The following RBFOX1 variants were observed in gnomAD, a reference collection of about 807,000 sequenced individuals.
RBFOX1 encodes the protein RNA binding fox-1 homolog 1, also known as RNA binding protein fox-1 homolog 1.
RBFOX1 carries 8 observed loss-of-function variants against 57.7 expected under a neutral mutation model. That is an observed-to-expected ratio of 0.14 (90% CI 0.08 to 0.25). The LOEUF (loss-of-function observed/expected upper bound fraction) is 0.25. RBFOX1 is among the 10% of genes least tolerant of loss of function. The pLI, the probability that RBFOX1 is intolerant of heterozygous loss-of-function variation, is 1.00. For synonymous variants in RBFOX1, 326 were observed against 222.4 expected, an observed-to-expected ratio of 1.47 and a Z score of -4.15; for missense variants, 611 against 548.5, an observed-to-expected ratio of 1.11 and a Z score of -1.14.
At chr16:5,853,527 C>T (rs978739134) in intron 3 of RBFOX1, among the ~76,000 whole-genome samples, 1 of 152,182 alleles carries the variant, frequency 6.6e-6, no homozygotes, top group African/African-American at 2.4e-5. Context: ...AGGACACAGA[C>T]CCTGACTTGG....
chr16:7,213,710 C>T (rs976059465), intron 4 of RBFOX1, among the ~76,000 whole-genome samples: 6 of 152,038 alleles, frequency 3.9e-5, no homozygotes, highest in Admixed American at 6.6e-5. Flanking sequence ...CTCAAGGGAC[C>T]GAGGTTCCAG....
At chr16:6,128,134 A>G (rs1403940992) in intron 1 of RBFOX1, among the ~76,000 whole-genome samples, 1 of 152,238 alleles carries the variant, frequency 6.6e-6, no homozygotes, top group Non-Finnish European at 1.5e-5. Flanking sequence ...AAGAGTTACT[A>G]TGAAAATAAA....
chr16:6,899,326 C>T (rs114310316), intron 3 of RBFOX1, among the ~76,000 whole-genome samples: 13 of 152,174 alleles, frequency 8.5e-5, no homozygotes, highest in Admixed American at 1.3e-4. Flanking sequence ...TCAGGGTTTC[C>T]TTGCATTCCA....
intron 4 of RBFOX1, among the ~76,000 whole-genome samples, chr16:7,292,107 A>G (rs1568062799): frequency 1.5e-5 from 2 of 136,054 alleles, no homozygotes; most frequent in African/African-American, 2.7e-5. Flanking sequence ...TATATCATGT[A>G]TTATGTATAA....
chr16:6,705,648 C>T (rs2062604690), intron 3 of RBFOX1: 1 of 151,362 alleles, frequency 6.6e-6, no homozygotes, highest in African/African-American at 2.5e-5. Flanking sequence ...TTTTACAGTG[C>T]AAGAAAGCGC....
At position 7,034,848 on chromosome 16, in the gene RBFOX1, CT is replaced by C. The variant is rs58405378; in HGVS notation, c.-15-17191del. 3.3e-3 allele frequency among the ~76,000 whole-genome samples: 102 copies of C among 30,844 alleles called. 4 individuals are homozygous for C. Among genetic ancestry groups the C allele is most frequent in the Non-Finnish European group, 4.6e-3 (89 of 19,260 alleles). 20.2% of individuals were successfully genotyped at this position (30,844 alleles called of 152,430 possible). A position where few individuals can be genotyped will look rare whatever the true frequency, so the allele number is the denominator to read the frequency against. ...ATTACTTTTTTTTTTTTTCTTTTTT[CT>C]TTTTTTTTTTTTTTTTTGAGATGGA... On this transcript the variant is annotated intron_variant, in intron 3 of 15. Coordinates refer to ENST00000550418, the MANE Select transcript of RBFOX1 (RefSeq NM_018723.4).
chr16:6,579,552 T>G (rs1053130247), intron 2 of RBFOX1, among the ~76,000 whole-genome samples: 4 of 152,134 alleles, frequency 2.6e-5, no homozygotes. Flanking sequence ...GGGCTTTTCC[T>G]CCTTTGCTCT....
chr16:5,932,450 C>T (rs2059080848), intron 4 of RBFOX1, among the ~76,000 whole-genome samples: 1 of 152,098 alleles, frequency 6.6e-6, no homozygotes, highest in Admixed American at 6.5e-5. Flanking sequence ...GCAAGGTCGA[C>T]AGTTTGATGT....
intron 1 of RBFOX1, among the ~76,000 whole-genome samples, chr16:6,098,783 G>T (rs527755832): frequency 2.8e-4 from 43 of 152,262 alleles, no homozygotes; most frequent in Admixed American, 5.2e-4. Flanking sequence ...TTCCTCAGGG[G>T]ACTCTGAGAC....
At chr16:6,034,070 C>T (rs1430196349) in intron 1 of RBFOX1, among the ~76,000 whole-genome samples, 2 of 152,020 alleles carry the variant, frequency 1.3e-5, no homozygotes, top group African/African-American at 2.4e-5. Context: ...CGCGGTGGCT[C>T]ATGCCCGTAA....
intron 4 of RBFOX1, among the ~76,000 whole-genome samples, chr16:7,214,312 C>T (rs562731427): frequency 6.6e-6 from 1 of 152,250 alleles, no homozygotes; most frequent in Non-Finnish European, 1.5e-5. Context: ...ACACGATGAT[C>T]TTATCCAGCA....
At chr16:5,928,079 A>G (rs947078159) in intron 4 of RBFOX1, among the ~76,000 whole-genome samples, 30 of 152,056 alleles carry the variant, frequency 2.0e-4, no homozygotes, top group African/African-American at 7.0e-4. Flanking sequence ...GAATAAATGT[A>G]TTTTATTTTT....
intron 9 of RBFOX1, among the ~76,000 whole-genome samples, chr16:7,603,410 G>A (rs2095139619): frequency 6.6e-6 from 1 of 151,998 alleles, no homozygotes; most frequent in African/African-American, 2.4e-5. Flanking sequence ...GAGGGAGAAT[G>A]GTTATAAAAG....
chr16:5,274,461 G>A (rs1475583121), intron 1 of RBFOX1, among the ~76,000 whole-genome samples: 4 of 152,294 alleles, frequency 2.6e-5, no homozygotes, highest in Non-Finnish European at 5.9e-5. Context: ...CCCAGGGGGC[G>A]GAGGTTGGAG....
At chr16:6,980,240 A>G (rs1428395054) in intron 3 of RBFOX1, among the ~76,000 whole-genome samples, 2 of 152,162 alleles carry the variant, frequency 1.3e-5, no homozygotes, top group South Asian at 2.1e-4. Flanking sequence ...GCAAAATTTT[A>G]TTTCCTATAC....
rs1298358578 is a variant in RBFOX1, at chr16:7,074,168, G to A, written c.27+22070G>A. 2.6e-5 allele frequency among the ~76,000 whole-genome samples: 4 copies of A among 152,152 alleles called. No homozygotes were observed. In the East Asian group the frequency reaches 5.8e-4, roughly 22 times the overall value. On this transcript the variant is annotated intron_variant, in intron 4 of 15. Transcript: ENST00000550418. ...AGGAGAAAAAACAGTCAGTAGAAAG[G>A]GACTACAAGATGACCCAAATGTTAG...
intron 4 of RBFOX1, among the ~76,000 whole-genome samples, chr16:5,892,092 T>G (rs568259172): frequency 6.6e-6 from 1 of 152,350 alleles, no homozygotes; most frequent in African/African-American, 2.4e-5. Context: ...TGTTCTGTCC[T>G]TACGGCACTT....
At chr16:5,762,976 T>A (rs1481745299) in intron 3 of RBFOX1, among the ~76,000 whole-genome samples, 5 of 152,242 alleles carry the variant, frequency 3.3e-5, no homozygotes, top group African/African-American at 7.2e-5. Context: ...AATGATTTTT[T>A]AATTTTCTCC....
At chr16:7,372,966 C>G (rs1048748391) in intron 4 of RBFOX1, among the ~76,000 whole-genome samples, 13 of 149,716 alleles carry the variant, frequency 8.7e-5, no homozygotes, top group African/African-American at 3.2e-4. Context: ...GAGTCTTGCT[C>G]TGTTGCCCAG....
Sources: gnomAD v4.1 joint callset for allele counts (sites outside exome capture counted in the v4.1 genomes callset) on GRCh38, gnomAD v4.1.1 for gene constraint, MANE v1.5 for transcripts, NCBI Gene and HGNC (gene_info 2026-07-23, HGNC 2026-07-21) for gene names.